ZNRF3: variants seen among roughly 807,000 people sequenced by gnomAD.
The protein encoded by ZNRF3 is zinc and ring finger 3.
A neutral mutation model predicts 72.5 loss-of-function variants in ZNRF3; 23 were observed. The ratio of observed to expected loss-of-function variants is 0.32; its 90% CI spans 0.23 to 0.45. The LOEUF (loss-of-function observed/expected upper bound fraction) is 0.45, where lower values mean the gene tolerates loss of function less well. Ranked by LOEUF, ZNRF3 falls within the 20% of genes least tolerant of loss-of-function variation. The probability of loss-of-function intolerance (pLI) is 1.00; values close to 1 mark genes in which losing one functional copy is unlikely to be tolerated. For synonymous variants in ZNRF3, 610 were observed against 545.3 expected (o/e 1.12, Z -1.65); for missense variants, 1,169 against 1,272.1 (o/e 0.92, Z 1.23).
At chr22:28,929,009 C>T (rs1347481722) in intron 1 of ZNRF3, among the ~76,000 whole-genome samples, 2 of 152,126 alleles carry the variant, frequency 1.3e-5, no homozygotes, top group South Asian at 4.1e-4. Context: ...AAAAATGAAG[C>T]TTTGGACAGA....
chr22:28,901,587 G>A (rs532559774), intron 1 of ZNRF3, among the ~76,000 whole-genome samples: 11 of 149,626 alleles, frequency 7.4e-5, no homozygotes, highest in Middle Eastern at 3.5e-3. Context: ...GCTGACTGGC[G>A]CATGGAGTCC....
At chr22:29,003,507 C>G (rs1275413327) in intron 2 of ZNRF3, among the ~76,000 whole-genome samples, 1 of 144,804 alleles carries the variant, frequency 6.9e-6, no homozygotes, top group African/African-American at 2.7e-5. Flanking sequence ...GAGCAAGACT[C>G]CGACTCAAAA....
chr22:28,930,743 C>G (rs1435103839), intron 1 of ZNRF3, among the ~76,000 whole-genome samples: 5 of 152,198 alleles, frequency 3.3e-5, no homozygotes, highest in Non-Finnish European at 5.9e-5. Context: ...AATGTGTTGG[C>G]TATCCTTTGC....
At chr22:29,011,207 C>T (rs1390462068) in intron 2 of ZNRF3, among the ~76,000 whole-genome samples, 1 of 152,170 alleles carries the variant, frequency 6.6e-6, no homozygotes, top group Non-Finnish European at 1.5e-5. Context: ...TGGCTAGGCT[C>T]TTGGGGTCTT....
At chr22:28,962,161 C>A (rs927811344) in intron 1 of ZNRF3, among the ~76,000 whole-genome samples, 1 of 152,212 alleles carries the variant, frequency 6.6e-6, no homozygotes, top group Non-Finnish European at 1.5e-5. Flanking sequence ...TTTGCATTTA[C>A]CGCATCCCAA....
chr22:29,023,054 T>C (rs1322859341), intron 2 of ZNRF3, among the ~76,000 whole-genome samples: 2 of 152,210 alleles, frequency 1.3e-5, no homozygotes, highest in African/African-American at 4.8e-5. Flanking sequence ...AATTCTTTCC[T>C]TAAATGCTTG....
intron 2 of ZNRF3, among the ~76,000 whole-genome samples, chr22:29,001,629 G>A (rs959621054): frequency 1.3e-5 from 2 of 151,940 alleles, no homozygotes; most frequent in Admixed American, 6.6e-5. Flanking sequence ...ACGCCATCAC[G>A]CCCAGCTAAT....
chr22:28,962,277 G>T (rs972856184), intron 1 of ZNRF3, among the ~76,000 whole-genome samples: 12 of 152,184 alleles, frequency 7.9e-5, no homozygotes, highest in African/African-American at 2.9e-4. Context: ...GCCTAAAGCT[G>T]CTGTCTCAGC....
At chr22:29,008,270 C>G (rs2036293443) in intron 2 of ZNRF3, among the ~76,000 whole-genome samples, 1 of 152,156 alleles carries the variant, frequency 6.6e-6, no homozygotes, top group Non-Finnish European at 1.5e-5. Flanking sequence ...GGCACCACAA[C>G]CACACATTTC....
chr22:29,012,350 C>A (rs1408089214), intron 2 of ZNRF3, among the ~76,000 whole-genome samples: 3 of 152,200 alleles, frequency 2.0e-5, no homozygotes, highest in Non-Finnish European at 4.4e-5. Context: ...AAATTGATCA[C>A]CTTAGTTCTC....
rs547587101 is a variant in ZNRF3 at position 28,963,724 on chromosome 22, T to G, written c.301-23352T>G. Among the ~76,000 whole-genome samples the G allele has an allele frequency of 5.9e-5, 9 of 152,336 alleles. No individual in the cohort carries two copies. The South Asian group carries it at 1.9e-3, about 32-fold the overall frequency. On this transcript the variant is annotated intron_variant, in intron 1 of 8. Transcript: ENST00000544604. The stretch of plus-strand genomic sequence containing the variant: ...ATTATTAGCACAAGCTAGGACAGTT[T>G]CTTGACTATTCTTTACCTCATTAAG...
chr22:29,007,454 T>G (rs2036273325), intron 2 of ZNRF3, among the ~76,000 whole-genome samples: 1 of 151,888 alleles, frequency 6.6e-6, no homozygotes, highest in Non-Finnish European at 1.5e-5. Flanking sequence ...CTGGGAAACA[T>G]GGCGAGACCC....
rs914986100 is a variant in ZNRF3 at position 28,902,982 on chromosome 22, A to AT, written c.300+18927dup. Among the ~76,000 whole-genome samples the AT allele has an allele frequency of 1.1e-3, 157 of 149,514 alleles. 1 individual carries two copies. Among genetic ancestry groups the AT allele is most frequent in the African/African-American group, 1.9e-3 (77 of 40,874 alleles). On this transcript the variant is annotated intron_variant, in intron 1 of 8. Coordinates refer to ENST00000544604, the MANE Select transcript of ZNRF3 (RefSeq NM_001206998.2). ...GAAGAGAAGTGGTCATAACATAGGAATTTTTTTTTTTAACATGCTTAGTGC... is the reference window on the plus strand; with the variant it reads ...GAAGAGAAGTGGTCATAACATAGGAATTTTTTTTTTTTAACATGCTTAGTGC...
intron 1 of ZNRF3, among the ~76,000 whole-genome samples, chr22:28,972,659 A>G (rs995280103): frequency 3.9e-5 from 6 of 152,298 alleles, no homozygotes; most frequent in African/African-American, 1.4e-4. Context: ...TGGTCACTCT[A>G]TGTTTAAGCC....
intron 1 of ZNRF3, among the ~76,000 whole-genome samples, chr22:28,890,173 C>G (rs2033858958): frequency 6.6e-6 from 1 of 152,204 alleles, no homozygotes; most frequent in Non-Finnish European, 1.5e-5. Context: ...CTCTGGTTCC[C>G]ATAGACCCAC....
intron 6 of ZNRF3, among the ~76,000 whole-genome samples, chr22:29,047,501 A>G (rs754047558): frequency 6.6e-6 from 1 of 152,226 alleles, no homozygotes; most frequent in Admixed American, 6.5e-5. Context: ...GAATTTTTGC[A>G]GAATAGAATA....
rs79658414 is a variant in ZNRF3 at position 28,935,998 on chromosome 22, C to T, written c.301-51078C>T. 7.1e-3 allele frequency among the ~76,000 whole-genome samples: 1,080 copies of T among 152,168 alleles called. 20 individuals are homozygous for T. Among genetic ancestry groups the T allele is most frequent in the African/African-American group, 0.025 (1,038 of 41,514 alleles). ...TGCCCTCTGTGATGTGAGAGGAGTT[C>T]GGGGGTGCAGAGTGAACATAGTCAA... On this transcript the variant is annotated intron_variant, in intron 1 of 8. Transcript: ENST00000544604.
At chr22:28,979,194 TG>T (rs2035724832) in intron 1 of ZNRF3, among the ~76,000 whole-genome samples, 1 of 152,210 alleles carries the variant, frequency 6.6e-6, no homozygotes, top group Non-Finnish European at 1.5e-5. Context: ...GCCATCGTCC[TG>T]GGATTTCTCT....
intron 1 of ZNRF3, among the ~76,000 whole-genome samples, chr22:28,948,045 G>A (rs1202007156): frequency 1.3e-5 from 2 of 151,954 alleles, no homozygotes; most frequent in South Asian, 2.1e-4. Context: ...GGGTTTCACC[G>A]TGTTGGTCAG....
Sources: gnomAD v4.1 joint callset for allele counts (sites outside exome capture counted in the v4.1 genomes callset) on GRCh38, gnomAD v4.1.1 for gene constraint, MANE v1.5 for transcripts, NCBI Gene and HGNC (gene_info 2026-07-23, HGNC 2026-07-21) for gene names.